Variants in RSRC1 observed in about 807,000 individuals in gnomAD.
RSRC1 encodes the protein arginine and serine rich coiled-coil 1.
RSRC1 carries 39 observed loss-of-function variants against 49.1 expected under a neutral mutation model. The observed-to-expected ratio is 0.79, with a 90% confidence interval of 0.61 to 1.04. The LOEUF (loss-of-function observed/expected upper bound fraction) is 1.04, where lower values mean the gene tolerates loss of function less well. Ranked by LOEUF, RSRC1 falls within the 50% of genes least tolerant of loss-of-function variation. The pLI, the probability that RSRC1 is intolerant of heterozygous loss-of-function variation, is 0.00. For missense variants in RSRC1, 388 were observed against 402.4 expected (o/e 0.96, Z 0.31); for synonymous variants, 143 against 130.8 (o/e 1.09, Z -0.63).
At chr3:158,283,998 C>G (rs903252316) in intron 4 of RSRC1, among the ~76,000 whole-genome samples, 4 of 151,286 alleles carry the variant, frequency 2.6e-5, no homozygotes, top group Admixed American at 2.0e-4. Context: ...CCATTAACTC[C>G]TCATTTAGCA....
At chr3:158,241,910 T>C (rs1487980857) in intron 4 of RSRC1, among the ~76,000 whole-genome samples, 1 of 152,092 alleles carries the variant, frequency 6.6e-6, no homozygotes, top group East Asian at 1.9e-4. Context: ...AATACACCCA[T>C]TTAAAATATA....
chr3:158,476,779 G>A (rs1373106399), intron 7 of RSRC1, among the ~76,000 whole-genome samples: 1 of 152,164 alleles, frequency 6.6e-6, no homozygotes, highest in Non-Finnish European at 1.5e-5. Flanking sequence ...AACTTTTCAA[G>A]TCTTAATATT....
At chr3:158,409,285 G>A (rs1734308084) in intron 6 of RSRC1, among the ~76,000 whole-genome samples, 1 of 152,036 alleles carries the variant, frequency 6.6e-6, no homozygotes, top group Non-Finnish European at 1.5e-5. Flanking sequence ...GAACTTAAAA[G>A]TTTAAAAAAT....
chr3:158,285,517 C>T (rs375708634), intron 4 of RSRC1, among the ~76,000 whole-genome samples: 1 of 152,146 alleles, frequency 6.6e-6, no homozygotes, highest in Non-Finnish European at 1.5e-5. Flanking sequence ...ATTCTTCCTA[C>T]CCATGAGCAT....
At chr3:158,285,062 A>G (rs1268958636) in intron 4 of RSRC1, among the ~76,000 whole-genome samples, 1 of 152,114 alleles carries the variant, frequency 6.6e-6, no homozygotes, top group Non-Finnish European at 1.5e-5. Flanking sequence ...TCTTGAATTA[A>G]TTTTCGTATA....
chr3:158,250,518 T>C (rs1724148766), intron 4 of RSRC1, among the ~76,000 whole-genome samples: 1 of 152,122 alleles, frequency 6.6e-6, no homozygotes, highest in African/African-American at 2.4e-5. Flanking sequence ...TTAACTGGGG[T>C]GAGATAATGT....
intron 7 of RSRC1, among the ~76,000 whole-genome samples, chr3:158,507,862 C>T (rs1438341714): frequency 6.6e-6 from 1 of 152,114 alleles, no homozygotes; most frequent in Admixed American, 6.5e-5. Flanking sequence ...TGCTTGAACT[C>T]AGGAGTTTGA....
intron 7 of RSRC1, among the ~76,000 whole-genome samples, chr3:158,487,949 G>GCAAAAAAAAAAAAA (rs1553814781): frequency 3.5e-5 from 1 of 28,920 alleles, no homozygotes; most frequent in Non-Finnish European, 6.0e-5. Flanking sequence ...TCCATCTCAA[G>GCAAAAAAAAAAAAA]AAAAAAAAAA....
intron 7 of RSRC1, among the ~76,000 whole-genome samples, chr3:158,486,035 G>A (rs892823953): frequency 6.6e-6 from 1 of 152,104 alleles, no homozygotes; most frequent in Non-Finnish European, 1.5e-5. Context: ...CTATTTAACA[G>A]CCATACAGAT....
chr3:158,369,247 A>T (rs989230859), intron 6 of RSRC1, among the ~76,000 whole-genome samples: 3 of 152,068 alleles, frequency 2.0e-5, no homozygotes, highest in Admixed American at 1.3e-4. Context: ...CATTTTATTT[A>T]ATCTTTTTTT....
chr3:158,353,325 T>C (rs1730978350), intron 5 of RSRC1, among the ~76,000 whole-genome samples: 1 of 152,220 alleles, frequency 6.6e-6, no homozygotes, highest in South Asian at 2.1e-4. Flanking sequence ...TTTCTAAGTC[T>C]CTTCATCTTC....
Position 158,354,799 on chromosome 3 carries a change from A to G in RSRC1, c.532-58A>G, listed in dbSNP as rs758619121. The G allele has an allele frequency of 2.9e-5, 38 of 1,322,704 alleles. 2 individuals are homozygous for G. The Admixed American group carries it at 9.2e-4, about 32-fold the overall frequency. The allele number at this position is 1,322,704 out of a possible 1,614,324, so 81.9% of individuals were successfully genotyped here. A position where few individuals can be genotyped will look rare whatever the true frequency, so the allele number is the denominator to read the frequency against. Reference sequence around the variant, plus strand: ...AATGCATTAATTTAAAACTCCATCAATTAAAACTGACCTGTAAAAGTCTTG... The same window carrying G: ...AATGCATTAATTTAAAACTCCATCAGTTAAAACTGACCTGTAAAAGTCTTG... On this transcript the variant is annotated intron_variant, in intron 5 of 9. Coordinates refer to ENST00000611884, the MANE Select transcript of RSRC1 (RefSeq NM_001271838.2).
chr3:158,154,395 T>C (rs571374569), intron 3 of RSRC1, among the ~76,000 whole-genome samples: 2 of 152,214 alleles, frequency 1.3e-5, no homozygotes, highest in South Asian at 4.1e-4. Flanking sequence ...GCTACATTGA[T>C]TGACCCTTTT....
chr3:158,135,576 G>A (rs949070332), intron 3 of RSRC1, among the ~76,000 whole-genome samples: 6 of 151,844 alleles, frequency 4.0e-5, no homozygotes, highest in South Asian at 2.1e-4. Flanking sequence ...CACTGCGCCC[G>A]GCCTATAGTG....
At chr3:158,236,470 G>A (rs1297716134) in intron 4 of RSRC1, among the ~76,000 whole-genome samples, 1 of 152,144 alleles carries the variant, frequency 6.6e-6, no homozygotes, top group Admixed American at 6.6e-5. Flanking sequence ...TTTGCAGTCA[G>A]TCCTGGCCCC....
At chr3:158,188,768 T>G (rs563361762) in intron 3 of RSRC1, among the ~76,000 whole-genome samples, 1 of 152,132 alleles carries the variant, frequency 6.6e-6, no homozygotes, top group East Asian at 1.9e-4. Flanking sequence ...TTTATCAACC[T>G]TATTAATCTT....
At chr3:158,324,973 T>A (rs1226356963) in intron 5 of RSRC1, among the ~76,000 whole-genome samples, 1 of 152,244 alleles carries the variant, frequency 6.6e-6, no homozygotes, top group Non-Finnish European at 1.5e-5. Flanking sequence ...TGCATTTCTC[T>A]GATGGCCAGT....
At chr3:158,152,927 G>T (rs550221269) in intron 3 of RSRC1, among the ~76,000 whole-genome samples, 6 of 152,250 alleles carry the variant, frequency 3.9e-5, no homozygotes, top group African/African-American at 7.2e-5. Flanking sequence ...GATCTTAGTA[G>T]ATCTAATAAC....
intron 5 of RSRC1, among the ~76,000 whole-genome samples, chr3:158,347,630 C>G (rs1434717098): frequency 1.3e-5 from 2 of 152,130 alleles, no homozygotes; most frequent in African/African-American, 4.8e-5. Flanking sequence ...ACTGCAACCT[C>G]AAACTCCTGG....
Sources: gnomAD v4.1 joint callset for allele counts (sites outside exome capture counted in the v4.1 genomes callset) on GRCh38, gnomAD v4.1.1 for gene constraint, MANE v1.5 for transcripts, NCBI Gene and HGNC (gene_info 2026-07-23, HGNC 2026-07-21) for gene names.